Variants in BCL6B observed in about 807,000 individuals in gnomAD.
BCL6B encodes the protein BCL6B transcription repressor.
In BCL6B, 28 loss-of-function variants were observed where a neutral mutation model predicts 44.6. That is an observed-to-expected ratio of 0.63 (90% confidence interval 0.47 to 0.86). BCL6B has a LOEUF of 0.86. Among genes scored for constraint, BCL6B ranks in the 40% least tolerant of loss-of-function variants. The probability of loss-of-function intolerance (pLI) is 0.00; values close to 1 mark genes in which losing one functional copy is unlikely to be tolerated. For missense variants in BCL6B, 626 were observed against 652.3 expected (o/e 0.96, Z 0.44); for synonymous variants, 268 against 263.6 (o/e 1.02, Z -0.16).
In BCL6B at chr17:7,024,338, G is replaced by A; in HGVS notation, c.401+34G>A. On this transcript the variant is annotated intron_variant, in intron 3 of 8. Coordinates refer to ENST00000293805, the MANE Select transcript of BCL6B (RefSeq NM_181844.4). This position sits in a 1 kb window ranked among gnomAD's most constrained non-coding sequence, Gnocchi z 6.6. ...CCCTGGCTCGGCGTTCTCTGTGGGT[G>A]AGGTGTTAAGGGCAAAGGCAGAGTT... 1.2e-6 allele frequency: 2 copies of A among 1,613,724 alleles called. No homozygotes were observed. The highest frequency in any genetic ancestry group is 1.7e-6 in the Non-Finnish European group (2 of 1,179,908).
chr17:7,028,944 G>A lies in BCL6B; in HGVS notation c.*1325G>A, dbSNP rs1910381337. Reference sequence around the variant, plus strand: ...ACCTTCTTTTCCTCTAGAAGGGATGGTGCTTGGTAACCTTACCTTTTAAAA... The same window carrying A: ...ACCTTCTTTTCCTCTAGAAGGGATGATGCTTGGTAACCTTACCTTTTAAAA... On this transcript the variant is annotated 3_prime_UTR_variant, in exon 9 of 9. Coordinates refer to ENST00000293805, the MANE Select transcript of BCL6B (RefSeq NM_181844.4). 8 of 985,426 alleles carry A rather than the reference G, an allele frequency of 8.1e-6. No homozygotes were observed. Among genetic ancestry groups the A allele is most frequent in the Non-Finnish European group, 9.6e-6 (8 of 829,942 alleles). The allele number at this position is 985,426 out of a possible 1,614,324, so 61.0% of individuals were successfully genotyped here. A position where few individuals can be genotyped will look rare whatever the true frequency, so the allele number is the denominator to read the frequency against.
rs1344254892 is a variant in BCL6B at position 7,024,033 on chromosome 17, G to C, written c.180-50G>C. 1.3e-6 allele frequency: 2 copies of C among 1,587,846 alleles called. No individual in the cohort carries two copies. Among genetic ancestry groups the C allele is most frequent in the South Asian group, 1.1e-5 (1 of 90,420 alleles). ...GGCGGGGCTTCCTGAAGCTGCGCATGTCTCCCTTGGTTCCCCAGCCCCCAA... is the reference window on the plus strand; with the variant it reads ...GGCGGGGCTTCCTGAAGCTGCGCATCTCTCCCTTGGTTCCCCAGCCCCCAA... On this transcript the variant is annotated intron_variant, in intron 2 of 8. Coordinates refer to ENST00000293805, the MANE Select transcript of BCL6B (RefSeq NM_181844.4). This position sits in a 1 kb window ranked among gnomAD's most constrained non-coding sequence, Gnocchi z 6.6.
chr17:7,027,652 G>A lies in BCL6B; in HGVS notation c.*33G>A, dbSNP rs1221964044. The A allele has an allele frequency of 1.2e-6, 2 of 1,611,320 alleles. No homozygotes were observed. The highest frequency in any genetic ancestry group is 1.7e-5 in the Admixed American group (1 of 59,918). Reference sequence around the variant, plus strand: ...CAGGCCCAGGCCCCACTTGCTTCCTGCGGGTGGGAAAGCTGCAGGCCCAGG... The same window carrying A: ...CAGGCCCAGGCCCCACTTGCTTCCTACGGGTGGGAAAGCTGCAGGCCCAGG... On this transcript the variant is annotated 3_prime_UTR_variant, in exon 9 of 9. Coordinates refer to ENST00000293805, the MANE Select transcript of BCL6B (RefSeq NM_181844.4).
chr17:7,025,035 C>A, intron 4 of BCL6B, 41 bp from the exon 5 acceptor site: 1 of 1,607,028 alleles, frequency 6.2e-7, no homozygotes, highest in Non-Finnish European at 8.5e-7. Flanking sequence ...CACCCCTCAA[C>A]CGTACAATCT....
intron 8 of BCL6B, 50 bp downstream of exon 8, chr17:7,027,137 G>T (rs904595988): frequency 1.2e-6 from 2 of 1,607,202 alleles, no homozygotes; most frequent in East Asian, 2.2e-5. Context: ...CCTCTCCTTT[G>T]CCTAGGGGTG....
Position 7,029,287 on chromosome 17 carries a change from C to G in BCL6B, c.*1668C>G, listed in dbSNP as rs1049613723. The G allele has an allele frequency of 1.0e-6, 1 of 986,816 alleles. No individual in the cohort carries two copies. The highest frequency in any genetic ancestry group is 1.7e-5 in the African/African-American group (1 of 57,368). The allele number at this position is 986,816 out of a possible 1,614,324, so 61.1% of individuals were successfully genotyped here. A position where few individuals can be genotyped will look rare whatever the true frequency, so the allele number is the denominator to read the frequency against. On this transcript the variant is annotated 3_prime_UTR_variant, in exon 9 of 9. Coordinates refer to ENST00000293805, the MANE Select transcript of BCL6B (RefSeq NM_181844.4). ...GGAGTCTCTGAAATGTTAGAAGAAG[C>G]GCTGAAGCCTTGATTGATAGTTCTG...
At position 7,023,709 on chromosome 17, in the gene BCL6B, A is replaced by T; in HGVS notation, c.38A>T (p.Tyr13Phe). The change falls in exon 2 of 9, where the codon TAC becomes TTC. Residue 13 changes from tyrosine (Y) to phenylalanine (F), a missense_variant. Coordinates refer to ENST00000293805, the MANE Select transcript of BCL6B (RefSeq NM_181844.4). ...GCCGCCCCGGAGGGAGCGCTGGGCT[A>T]CGTCCGCGAGTTCACTCGCCACTCC... The part of the protein sequence containing the change: ...SPAAPEGALG[Y>F]VREFTRHSSD... 6.2e-7 allele frequency: 1 copy of T among 1,613,076 alleles called. No individual in the cohort carries two copies. The highest frequency in any genetic ancestry group is 8.5e-7 in the Non-Finnish European group (1 of 1,180,012).
Position 7,027,542 on chromosome 17 carries a change from C to G in BCL6B, c.1363C>G (p.Leu455Val). 1 of 1,613,948 alleles carries G rather than the reference C, an allele frequency of 6.2e-7. No individual in the cohort carries two copies. Among genetic ancestry groups the G allele is most frequent in the Non-Finnish European group, 8.5e-7 (1 of 1,180,040 alleles). ...CGLHFRHKSQ[L>V]RLHLRQKHGA... is the part of the protein sequence containing the mutation. ...CCTGCATTTCCGGCACAAGAGTCAA[C>G]TGCGGCTGCATCTGCGCCAGAAACA... is the stretch of plus-strand genomic sequence containing the variant. Residue 455 changes from leucine to valine, a missense_variant, in exon 9 of 9, where the codon CTG becomes GTG. Physicochemically the swap from Leu to Val is conservative, Grantham distance 32. Coordinates refer to ENST00000293805, the MANE Select transcript of BCL6B (RefSeq NM_181844.4).
chr17:7,028,207 AGG>A lies in BCL6B; in HGVS notation c.*591_*592del. The A allele has an allele frequency of 2.0e-6, 2 of 985,834 alleles. No homozygotes were observed. Among genetic ancestry groups the A allele is most frequent in the Non-Finnish European group, 2.4e-6 (2 of 830,214 alleles). The allele number at this position is 985,834 out of a possible 1,614,324, so 61.1% of individuals were successfully genotyped here. ...TTGTTAGTTTGTTTAAAATGGAAAA[AGG>A]GGTTCTCTGTGTTCTGCCCCTGTAA... is the stretch of plus-strand genomic sequence containing the variant. On this transcript the variant is annotated 3_prime_UTR_variant, in exon 9 of 9. Coordinates refer to ENST00000293805, the MANE Select transcript of BCL6B (RefSeq NM_181844.4).
chr17:7,026,057 G>A (rs1910278956), intron 5 of BCL6B, among the ~76,000 whole-genome samples: 1 of 152,068 alleles, frequency 6.6e-6, no homozygotes, highest in Non-Finnish European at 1.5e-5. Context: ...GAGTAGCTGG[G>A]ACTACAGGCA....
intron 6 of BCL6B, 37 bp from the exon 7 acceptor site, chr17:7,026,668 G>A: frequency 6.2e-7 from 1 of 1,614,192 alleles, no homozygotes; most frequent in Non-Finnish European, 8.5e-7. Flanking sequence ...GCTGTCCTAG[G>A]GCAAAGTCCC....
rs761967216 is a variant in BCL6B at position 7,027,103 on chromosome 17, G to A, written c.1323+16G>A. The A allele has an allele frequency of 6.2e-7, 1 of 1,613,562 alleles. No individual in the cohort carries two copies. The highest frequency in any genetic ancestry group is 1.1e-5 in the South Asian group (1 of 91,072). ...GCCTTACCACGTGGGTACCCAACCT[G>A]GCCTGCCCACTGCCTTAGAATTACC... On this transcript the variant is annotated intron_variant, in intron 8 of 8. Coordinates refer to ENST00000293805, the MANE Select transcript of BCL6B (RefSeq NM_181844.4).
chr17:7,029,031 A>G lies in BCL6B; in HGVS notation c.*1412A>G. On this transcript the variant is annotated 3_prime_UTR_variant, in exon 9 of 9. Coordinates refer to ENST00000293805, the MANE Select transcript of BCL6B (RefSeq NM_181844.4). ...CCTGTCTGGAACCAGTGAATGCATT[A>G]GAACCTTCCATAGGAAAAGAAAAGG... 1.0e-6 allele frequency: 1 copy of G among 985,482 alleles called. No individual in the cohort carries two copies. The highest frequency in any genetic ancestry group is 1.2e-6 in the Non-Finnish European group (1 of 829,950). The allele number at this position is 985,482 out of a possible 1,614,324, so 61.0% of individuals were successfully genotyped here. A position where few individuals can be genotyped will look rare whatever the true frequency, so the allele number is the denominator to read the frequency against.
At position 7,028,955 on chromosome 17, in the gene BCL6B, C is replaced by A; in HGVS notation, c.*1336C>A. ...CTCTAGAAGGGATGGTGCTTGGTAA[C>A]CTTACCTTTTAAAAGCTGGGTCTGT... On this transcript the variant is annotated 3_prime_UTR_variant, in exon 9 of 9. Transcript: ENST00000293805. The A allele has an allele frequency of 1.0e-6, 1 of 985,418 alleles. No individual in the cohort carries two copies. 61.0% of individuals were successfully genotyped at this position (985,418 alleles called of 1,614,324 possible).
chr17:7,024,537 G>A lies in BCL6B; in HGVS notation c.538G>A (p.Gly180Ser). The change falls in exon 4 of 9, where the codon GGC (glycine) becomes AGC (serine). Residue 180 changes from glycine to serine, a missense_variant. By Grantham distance (56) the Gly-to-Ser change is moderately conservative. Transcript: ENST00000293805. The surrounding 1 kb of genome is among the most constrained non-coding windows in gnomAD (Gnocchi z 6.6). ...TACTGAATCTCGAAGCTGCAGTCAA[G>A]GCCCCCCCAGTCCAGCCAGCCCTGA... is the stretch of plus-strand genomic sequence containing the variant. ...PPTESRSCSQ[G>S]PPSPASPDPK... 1.2e-6 allele frequency: 2 copies of A among 1,613,628 alleles called. No individual in the cohort carries two copies. Among genetic ancestry groups the A allele is most frequent in the Non-Finnish European group, 1.7e-6 (2 of 1,179,980 alleles).
chr17:7,024,446 C>T lies in BCL6B; in HGVS notation c.447C>T (p.Pro149=), dbSNP rs746937642. 7.4e-6 allele frequency: 12 copies of T among 1,613,708 alleles called. No individual in the cohort carries two copies. Among genetic ancestry groups the T allele is most frequent in the Middle Eastern group, 1.6e-4 (1 of 6,080 alleles). ...CCCTGCGCCCCCTGGAAGCAGAACC[C>T]CCAACACCCCCAACGGCCCCTCCAC... is the stretch of plus-strand genomic sequence containing the variant. The part of the protein sequence containing the change: ...GISLRPLEAE[P]PTPPTAPPPG... Residue 149 remains proline (P), a synonymous_variant, in exon 4 of 9, where the codon CCC becomes CCT. Transcript: ENST00000293805. This position sits in a 1 kb window ranked among gnomAD's most constrained non-coding sequence, Gnocchi z 6.6.
intron 2 of BCL6B, 25 bp downstream of exon 2, chr17:7,023,875 G>A (rs1342581509): frequency 2.5e-6 from 4 of 1,605,010 alleles, no homozygotes; most frequent in Admixed American, 1.7e-5. Context: ...GCCTGGGGCG[G>A]GGCCAAATGG....
chr17:7,027,908 A>G lies in BCL6B; in HGVS notation c.*289A>G. 4.8e-6 allele frequency: 6 copies of G among 1,250,316 alleles called. No homozygotes were observed. The highest frequency in any genetic ancestry group is 6.1e-6 in the Non-Finnish European group (6 of 990,754). The allele number at this position is 1,250,316 out of a possible 1,614,324, so 77.5% of individuals were successfully genotyped here. Reference sequence around the variant, plus strand: ...ATTGGAGTCCTGGTCTCCCTAAGGGAATAGCCCTCCACCTGTGGCCCCCAT... The same window carrying G: ...ATTGGAGTCCTGGTCTCCCTAAGGGGATAGCCCTCCACCTGTGGCCCCCAT... On this transcript the variant is annotated 3_prime_UTR_variant, in exon 9 of 9. Coordinates refer to ENST00000293805, the MANE Select transcript of BCL6B (RefSeq NM_181844.4).
chr17:7,027,747 C>T lies in BCL6B; in HGVS notation c.*128C>T. The stretch of plus-strand genomic sequence containing the variant: ...CTTTGGTATCAGAAATTGCCACCCT[C>T]TTAATTTCTCACTGGGGAGAGCAGG... On this transcript the variant is annotated 3_prime_UTR_variant, in exon 9 of 9. Coordinates refer to ENST00000293805, the MANE Select transcript of BCL6B (RefSeq NM_181844.4). The T allele has an allele frequency of 1.3e-6, 2 of 1,491,210 alleles. No individual in the cohort carries two copies. The highest frequency in any genetic ancestry group is 1.8e-6 in the Non-Finnish European group (2 of 1,126,964). 92.4% of individuals were successfully genotyped at this position (1,491,210 alleles called of 1,614,324 possible).
Sources: allele counts gnomAD v4.1 joint callset (sites outside exome capture counted in the v4.1 genomes callset), GRCh38; gene constraint gnomAD v4.1.1; non-coding constraint Gnocchi (gnomAD v3.1); transcripts MANE v1.5; gene names NCBI Gene and HGNC (gene_info 2026-07-23, HGNC 2026-07-21).